MYO16: variants seen among roughly 807,000 people sequenced by gnomAD.
MYO16 encodes unconventional myosin-XVI.
MYO16 carries 94 observed loss-of-function variants against 205.3 expected under a neutral mutation model. The ratio of observed to expected loss-of-function variants is 0.46; its 90% CI spans 0.39 to 0.54. MYO16 has a LOEUF of 0.54. Ranked by LOEUF, MYO16 falls within the 20% of genes least tolerant of loss-of-function variation. MYO16 has a pLI of 0.00. For synonymous variants in MYO16, 988 were observed against 954.0 expected, an observed-to-expected ratio of 1.04 and a Z score of -0.66; for missense variants, 2,315 against 2,387.5, an observed-to-expected ratio of 0.97 and a Z score of 0.63.
intron 11 of MYO16, among the ~76,000 whole-genome samples, chr13:108,862,976 A>G (rs1174215234): frequency 6.6e-6 from 1 of 152,024 alleles, no homozygotes. Context: ...TGTTTGTTTT[A>G]TGGAAAATAA....
intron 27 of MYO16, among the ~76,000 whole-genome samples, chr13:109,067,824 A>T (rs978656376): frequency 6.6e-6 from 1 of 152,186 alleles, no homozygotes; most frequent in Non-Finnish European, 1.5e-5. Flanking sequence ...TGAATCAGTC[A>T]CAACCTTTGG....
intron 29 of MYO16, among the ~76,000 whole-genome samples, chr13:109,121,588 C>CT (rs1164587994): frequency 6.6e-6 from 1 of 152,202 alleles, no homozygotes; most frequent in Non-Finnish European, 1.5e-5. Flanking sequence ...TTGTGAAAAC[C>CT]ACATCTGGTG....
intron 1 of MYO16, among the ~76,000 whole-genome samples, chr13:108,650,019 G>C (rs1031252169): frequency 1.8e-4 from 28 of 151,932 alleles, no homozygotes; most frequent in African/African-American, 6.3e-4. Context: ...AATAAAACAG[G>C]CATTGTAAAG....
At chr13:109,099,686 C>A (rs1233339942) in intron 27 of MYO16, among the ~76,000 whole-genome samples, 2 of 152,244 alleles carry the variant, frequency 1.3e-5, no homozygotes, top group East Asian at 3.9e-4. Context: ...ACATGTGAGC[C>A]CTCGTTTACC....
chr13:109,177,002 GCTAC>G (rs1197959407), intron 33 of MYO16, among the ~76,000 whole-genome samples: 1 of 152,204 alleles, frequency 6.6e-6, no homozygotes, highest in Non-Finnish European at 1.5e-5. Context: ...AGTCTGCAGT[GCTAC>G]CTATCGTCTC....
chr13:108,885,101 G>A (rs1213006790), intron 13 of MYO16, among the ~76,000 whole-genome samples: 1 of 152,230 alleles, frequency 6.6e-6, no homozygotes, highest in Non-Finnish European at 1.5e-5. Context: ...GATGAGAAAG[G>A]CACCAAGGCA....
At chr13:108,647,346 G>A (rs1198603643) in intron 1 of MYO16, among the ~76,000 whole-genome samples, 2 of 152,236 alleles carry the variant, frequency 1.3e-5, no homozygotes, top group African/African-American at 4.8e-5. Flanking sequence ...TGCTCTAGAA[G>A]CCTCCAGATT....
chr13:108,896,005 A>C lies in MYO16; in HGVS notation c.1660-2011A>C, dbSNP rs1880396059. 2.0e-5 allele frequency among the ~76,000 whole-genome samples: 3 copies of C among 152,202 alleles called. No individual in the cohort carries two copies. In the South Asian group the frequency reaches 6.2e-4, roughly 32 times the overall value. On this transcript the variant is annotated intron_variant, in intron 14 of 34. Coordinates refer to ENST00000457511, the MANE Select transcript of MYO16 (RefSeq NM_001198950.3). ...TTTGAGGAATTCAGAGGACCTCCTC[A>C]GCGTTACATAATTTCTCATTAGCAG...
chr13:108,673,058 A>AC (rs973846806), intron 2 of MYO16, among the ~76,000 whole-genome samples: 6 of 152,152 alleles, frequency 3.9e-5, no homozygotes, highest in Non-Finnish European at 7.4e-5. Flanking sequence ...TAGGTCATGC[A>AC]CCCCACTTGG....
At chr13:109,146,941 T>G (rs181242622) in intron 32 of MYO16, among the ~76,000 whole-genome samples, 1 of 151,900 alleles carries the variant, frequency 6.6e-6, no homozygotes, top group East Asian at 1.9e-4. Context: ...AGATGTTCTT[T>G]AAGAAGAAAA....
chr13:109,131,955 G>A (rs61968411), intron 31 of MYO16, among the ~76,000 whole-genome samples: 1 of 152,202 alleles, frequency 6.6e-6, no homozygotes, highest in African/African-American at 2.4e-5. Flanking sequence ...AGCAGCAACA[G>A]CCGAGACATG....
At chr13:108,881,902 C>A (rs1211668489) in intron 12 of MYO16, among the ~76,000 whole-genome samples, 1 of 152,200 alleles carries the variant, frequency 6.6e-6, no homozygotes, top group Non-Finnish European at 1.5e-5. Context: ...ACTTCCCCAA[C>A]ATAGCGAGTC....
chr13:108,866,020 T>TA (rs1223835067), intron 11 of MYO16, among the ~76,000 whole-genome samples, 157 bp from the exon 12 acceptor site: 1 of 152,100 alleles, frequency 6.6e-6, no homozygotes, highest in Non-Finnish European at 1.5e-5. Flanking sequence ...TTCCAAACTT[T>TA]AAAAAAATTG....
Position 109,070,470 on chromosome 13 carries a change from A to G in MYO16, c.3335+14875A>G, listed in dbSNP as rs367916998. 5.7e-4 allele frequency among the ~76,000 whole-genome samples: 87 copies of G among 152,316 alleles called. 3 individuals are homozygous for G. In the South Asian group the frequency reaches 0.016, roughly 28 times the overall value. ...TAGGTGTAATGTTTATTGATATCCC[A>G]TACAAGACATATCAATAGACCTAAA... On this transcript the variant is annotated intron_variant, in intron 27 of 34. Coordinates refer to ENST00000457511, the MANE Select transcript of MYO16 (RefSeq NM_001198950.3).
rs1879887821 is a variant in MYO16 at position 108,629,714 on chromosome 13, C to T, written c.-131C>T. 2.7e-6 allele frequency: 2 copies of T among 746,678 alleles called. No homozygotes were observed. The highest frequency in any genetic ancestry group is 5.5e-5 in the East Asian group (2 of 36,044). 46.3% of individuals were successfully genotyped at this position (746,678 alleles called of 1,614,324 possible). ...TTGCAGGATCATGGAACAGAGCCTC[C>T]ATGCAATAGTGCATCCTGAGGTAAA... On this transcript the variant is annotated 5_prime_UTR_variant, in exon 1 of 35. Coordinates refer to ENST00000457511, the MANE Select transcript of MYO16 (RefSeq NM_001198950.3).
intron 28 of MYO16, among the ~76,000 whole-genome samples, chr13:109,118,474 A>G (rs188696818): frequency 2.0e-5 from 3 of 152,320 alleles, no homozygotes; most frequent in Admixed American, 2.0e-4. Flanking sequence ...TCCCTTCCAC[A>G]GGTCTTTTAG....
At chr13:108,600,747 CT>C (rs1453632878) in intron 1 of MYO16, among the ~76,000 whole-genome samples, 1 of 152,044 alleles carries the variant, frequency 6.6e-6, no homozygotes, top group East Asian at 1.9e-4. Context: ...ACTATTTTTT[CT>C]TTCATTTTAT....
At chr13:109,089,153 A>G (rs1476217384) in intron 27 of MYO16, among the ~76,000 whole-genome samples, 1 of 151,942 alleles carries the variant, frequency 6.6e-6, no homozygotes, top group Non-Finnish European at 1.5e-5. Flanking sequence ...AGAATTTAAG[A>G]GAATAGCATA....
At chr13:109,117,496 T>C (rs1875777886) in intron 28 of MYO16, among the ~76,000 whole-genome samples, 1 of 148,234 alleles carries the variant, frequency 6.7e-6, no homozygotes, top group Admixed American at 6.8e-5. Context: ...ATATATGTAA[T>C]ATATATGTAT....
Sources: gnomAD v4.1 joint callset for allele counts (sites outside exome capture counted in the v4.1 genomes callset) on GRCh38, gnomAD v4.1.1 for gene constraint, MANE v1.5 for transcripts, NCBI Gene and HGNC (gene_info 2026-07-23, HGNC 2026-07-21) for gene names.